MINDY4B: variants seen among roughly 807,000 people sequenced by gnomAD.
MINDY4B encodes the protein inactive ubiquitin carboxyl-terminal hydrolase MINDY-4B.
Under a neutral mutation model 16.7 loss-of-function variants are expected in MINDY4B, and 25 were observed. That is an observed-to-expected ratio of 1.49 (90% CI 1.09 to 2.09). The LOEUF is 2.09. MINDY4B is among the 30% of genes most tolerant of loss of function. MINDY4B has a pLI of 0.00. For missense variants in MINDY4B, 327 were observed against 168.4 expected (o/e 1.94, Z -5.21); for synonymous variants, 132 against 61.9 (o/e 2.13, Z -5.32).
In MINDY4B at chr3:150,873,236, G is replaced by C. The variant is rs150077211; in HGVS notation, c.1191C>G (p.Tyr397Ter). The change falls in exon 11 of 12, where the codon TAC (tyrosine) becomes TAG (stop). Residue 397 changes from tyrosine to a stop codon, truncating the protein, a stop_gained. Transcript: ENST00000465419. LOFTEE classifies it low-confidence loss of function (END_TRUNC). ...TCTGTGAGGGTTGGCCACTGTAAAA[G>C]TACAGATCAAAGAGACGTTCCATTT... ...DWKMERLFDL[Y>*]FYSGQPSQKK... 106 of 703,288 alleles carry C rather than the reference G, an allele frequency of 1.5e-4. No homozygotes were observed. In the African/African-American group the frequency reaches 1.8e-3, roughly 12 times the overall value. The allele number at this position is 703,288 out of a possible 1,614,324, so 43.6% of individuals were successfully genotyped here.
intron 3 of MINDY4B, among the ~76,000 whole-genome samples, chr3:150,899,383 G>T (rs1160621453): frequency 6.6e-6 from 1 of 152,154 alleles, no homozygotes; most frequent in Non-Finnish European, 1.5e-5. Flanking sequence ...AAAGATGTGG[G>T]CTCGGTGTGG....
rs1486774983 is a variant in MINDY4B at position 150,871,088 on chromosome 3, C to T, written c.1340G>A (p.Ser447Asn). The change falls in exon 12 of 12, where the codon AGC becomes AAC. Residue 447 changes from serine to asparagine, a missense_variant. Transcript: ENST00000465419. ...PVEMAIRTKWSEATINWNGTV... is the reference protein window; with the variant it reads ...PVEMAIRTKWNEATINWNGTV... Reference sequence around the variant, plus strand: ...CCCATTCCAGTTGATGGTGGCCTCGCTCCACTTGGTTCTGATTGCCATCTC... The same window carrying T: ...CCCATTCCAGTTGATGGTGGCCTCGTTCCACTTGGTTCTGATTGCCATCTC... 1.4e-6 allele frequency: 1 copy of T among 702,900 alleles called. No individual in the cohort carries two copies. The highest frequency in any genetic ancestry group is 1.5e-5 in the South Asian group (1 of 67,594). The allele number at this position is 702,900 out of a possible 1,614,324, so 43.5% of individuals were successfully genotyped here.
intron 10 of MINDY4B, among the ~76,000 whole-genome samples, chr3:150,881,379 T>A (rs1266605506): frequency 2.0e-5 from 3 of 151,866 alleles, no homozygotes; most frequent in African/African-American, 7.3e-5. Flanking sequence ...GCGAACTCTG[T>A]CTCAAAAATA....
intron 3 of MINDY4B, among the ~76,000 whole-genome samples, chr3:150,901,689 T>A (rs1352377084): frequency 6.6e-6 from 1 of 151,716 alleles, no homozygotes; most frequent in Non-Finnish European, 1.5e-5. Context: ...CCTGGCTAAT[T>A]TTTGTACTTT....
Position 150,886,624 on chromosome 3 carries a change from C to A in MINDY4B, c.754-1186G>T, listed in dbSNP as rs959407565. 2.0e-5 allele frequency among the ~76,000 whole-genome samples: 3 copies of A among 152,178 alleles called. No homozygotes were observed. In the East Asian group the frequency reaches 5.8e-4, roughly 29 times the overall value. On this transcript the variant is annotated intron_variant, in intron 7 of 11. Transcript: ENST00000465419. ...TGCTAAAGTCAAAGTGCTCACAAAC[C>A]AGTATTCCTTCTGGAAGCTTTTGGG...
In MINDY4B at chr3:150,870,457, C is replaced by T. The variant is rs1460490139; in HGVS notation, c.*588G>A. Among the ~76,000 whole-genome samples the T allele has an allele frequency of 6.6e-6, 1 of 152,122 alleles. No individual in the cohort carries two copies. The highest frequency in any genetic ancestry group is 1.5e-5 in the Non-Finnish European group (1 of 68,024). On this transcript the variant is annotated 3_prime_UTR_variant, in exon 12 of 12. Transcript: ENST00000465419. ...AATGTCTCCTTGTGGCTACTGAAAC[C>T]CACATGTCAACTGCTATAGCTGTCA...
At chr3:150,877,099 G>C (rs1003453283) in intron 10 of MINDY4B, among the ~76,000 whole-genome samples, 8 of 151,942 alleles carry the variant, frequency 5.3e-5, no homozygotes, top group African/African-American at 1.9e-4. Flanking sequence ...GGACTGAAAG[G>C]CACATGTTTT....
At chr3:150,879,204 C>T (rs71306529) in intron 10 of MINDY4B, among the ~76,000 whole-genome samples, 2,610 of 152,244 alleles carry the variant, frequency 0.017, 36 homozygotes, top group African/African-American at 0.029. Flanking sequence ...ATTCTGCACA[C>T]CATGGATTTA....
At chr3:150,885,875 C>T (rs902882876) in intron 7 of MINDY4B, among the ~76,000 whole-genome samples, 11 of 152,140 alleles carry the variant, frequency 7.2e-5, no homozygotes, top group Admixed American at 3.3e-4. Flanking sequence ...TTATACACCT[C>T]GGTTCTACTG....
chr3:150,882,804 A>G (rs1461033794), intron 10 of MINDY4B, 93 bp downstream of exon 10: 4 of 523,534 alleles, frequency 7.6e-6, no homozygotes, highest in Middle Eastern at 2.8e-4. Flanking sequence ...GGGAGAAAGT[A>G]GGCTCGGGTT....
In MINDY4B at chr3:150,894,298, C is replaced by G. The variant is rs907166587; in HGVS notation, c.317G>C (p.Arg106Pro). 1.0e-5 allele frequency: 7 copies of G among 691,434 alleles called. No individual in the cohort carries two copies. The highest frequency in any genetic ancestry group is 9.3e-5 in the South Asian group (6 of 64,814). The allele number at this position is 691,434 out of a possible 1,614,324, so 42.8% of individuals were successfully genotyped here. Residue 106 changes from arginine to proline, a missense_variant, in exon 4 of 12, where the codon CGG becomes CCG. Arg to Pro is a moderately radical substitution (Grantham distance 103). Coordinates refer to ENST00000465419, the MANE Select transcript of MINDY4B (RefSeq NM_001351281.2). ...GACTGTGTTTCCAAACAGGATCTGC[C>G]GCAGCTTCTGAAAAGAGGGGAAAGA... is the stretch of plus-strand genomic sequence containing the variant. Reference protein sequence around the residue: ...PISLAMATKLRQILFGNTVHV... With the variant: ...PISLAMATKLPQILFGNTVHV...
chr3:150,878,705 G>A (rs1559964508), intron 10 of MINDY4B, among the ~76,000 whole-genome samples: 2 of 152,194 alleles, frequency 1.3e-5, no homozygotes, highest in Non-Finnish European at 2.9e-5. Flanking sequence ...TTGTGAGCAG[G>A]CATTTGGGTG....
rs1462824738 is a variant in MINDY4B, at chr3:150,890,950, A to C, written c.675T>G (p.Asn225Lys). ...VASTPDYSVD[N>K]FTERLQLFEF... ...GAACTGCACTTACTCGCTCAGTGAAATTGTCCACAGAGTAGTCCGGAGTCG... is the reference window on the plus strand; with the variant it reads ...GAACTGCACTTACTCGCTCAGTGAACTTGTCCACAGAGTAGTCCGGAGTCG... The change falls in exon 6 of 12, where the codon AAT becomes AAG. Residue 225 changes from asparagine to lysine, a missense_variant. By Grantham distance (94) the Asn-to-Lys change is moderately conservative. Coordinates refer to ENST00000465419, the MANE Select transcript of MINDY4B (RefSeq NM_001351281.2). The C allele has an allele frequency of 2.8e-6, 2 of 702,594 alleles. No individual in the cohort carries two copies. Among genetic ancestry groups the C allele is most frequent in the Non-Finnish European group, 5.2e-6 (2 of 384,750 alleles). 43.5% of individuals were successfully genotyped at this position (702,594 alleles called of 1,614,324 possible).
chr3:150,870,988 C>A lies in MINDY4B; in HGVS notation c.*57G>T. 1 of 669,036 alleles carries A rather than the reference C, an allele frequency of 1.5e-6. No individual in the cohort carries two copies. The highest frequency in any genetic ancestry group is 1.6e-5 in the South Asian group (1 of 61,896). 41.4% of individuals were successfully genotyped at this position (669,036 alleles called of 1,614,324 possible). ...AACGATTGGTCTCCCCCACATTAGG[C>A]TTTTGCATCCCAGCAGTTCTGACAC... On this transcript the variant is annotated 3_prime_UTR_variant, in exon 12 of 12. Transcript: ENST00000465419.
chr3:150,904,702 G>C (rs1712199096), intron 2 of MINDY4B, among the ~76,000 whole-genome samples: 1 of 152,162 alleles, frequency 6.6e-6, no homozygotes, highest in African/African-American at 2.4e-5. Flanking sequence ...GCTGAATAAA[G>C]ACGATAACTA....
intron 3 of MINDY4B, 124 bp downstream of exon 3, chr3:150,903,125 A>G (rs1310415615): frequency 2.5e-6 from 1 of 396,738 alleles, no homozygotes; most frequent in Non-Finnish European, 4.4e-6. Flanking sequence ...TCCTTTTACC[A>G]ATAACAACCA....
intron 4 of MINDY4B, among the ~76,000 whole-genome samples, chr3:150,893,673 C>A (rs1711878557): frequency 7.5e-6 from 1 of 133,248 alleles, no homozygotes; most frequent in African/African-American, 2.9e-5. Flanking sequence ...TCACCATGTC[C>A]CTGCTTCATA....
chr3:150,903,649 A>G (rs955199247), intron 2 of MINDY4B, among the ~76,000 whole-genome samples: 2 of 152,224 alleles, frequency 1.3e-5, no homozygotes, highest in Non-Finnish European at 2.9e-5. Context: ...AAATGTAACT[A>G]TGGAAACATA....
At chr3:150,897,495 G>A (rs1474914224) in intron 3 of MINDY4B, among the ~76,000 whole-genome samples, 1 of 152,124 alleles carries the variant, frequency 6.6e-6, no homozygotes, top group African/African-American at 2.4e-5. Flanking sequence ...AACGGAGCGT[G>A]GAGCTCAATG....
Sources: allele counts gnomAD v4.1 joint callset (sites outside exome capture counted in the v4.1 genomes callset), GRCh38; gene constraint gnomAD v4.1.1; transcripts MANE v1.5; gene names NCBI Gene and HGNC (gene_info 2026-07-23, HGNC 2026-07-21).